The following ADGRF1 variants were observed in gnomAD, a reference collection of about 807,000 sequenced individuals.
ADGRF1 encodes G protein-coupled receptor 110.
In ADGRF1, 85 loss-of-function variants were observed where a neutral mutation model predicts 87.2. That is an observed-to-expected ratio of 0.97 (90% CI 0.82 to 1.17). The LOEUF (loss-of-function observed/expected upper bound fraction) is 1.17. Ranked by LOEUF, ADGRF1 falls within the 50% of genes most tolerant of loss-of-function variation. ADGRF1 has a pLI of 0.00. For synonymous variants in ADGRF1, 430 were observed against 408.8 expected, an observed-to-expected ratio of 1.05 and a Z score of -0.63; for missense variants, 1,169 against 1,077.2, an observed-to-expected ratio of 1.09 and a Z score of -1.19.
intron 1 of ADGRF1, 90 bp from the exon 2 acceptor site, chr6:47,029,194 C>T (rs1320086237): frequency 2.9e-6 from 2 of 695,250 alleles, no homozygotes; most frequent in African/African-American, 1.8e-5. Context: ...TAAGGCCTCA[C>T]TGAGCTGATC....
intron 4 of ADGRF1, among the ~76,000 whole-genome samples, chr6:47,025,246 G>C (rs1447606336): frequency 5.3e-5 from 8 of 152,062 alleles, no homozygotes. Flanking sequence ...GCTTTATTGC[G>C]ACACAGAATC....
At chr6:47,006,347 C>T (rs1779528580) in intron 12 of ADGRF1, among the ~76,000 whole-genome samples, 1 of 152,018 alleles carries the variant, frequency 6.6e-6, no homozygotes. Context: ...CATCTATTAG[C>T]TTATGGCCTT....
chr6:47,007,363 T>A, intron 11 of ADGRF1, 69 bp from the exon 12 acceptor site: 2 of 915,654 alleles, frequency 2.2e-6, no homozygotes, highest in Non-Finnish European at 3.5e-6. Context: ...CATTTATATG[T>A]AACACTATTC....
At chr6:47,013,154 G>A (rs1779759919) in intron 9 of ADGRF1, 2 of 985,286 alleles carry the variant, frequency 2.0e-6, no homozygotes, top group South Asian at 4.7e-5. Flanking sequence ...GCAAAGGAAG[G>A]CAGTCCCCTT....
intron 1 of ADGRF1, among the ~76,000 whole-genome samples, chr6:47,040,388 C>A (rs535862582): frequency 6.7e-6 from 1 of 150,022 alleles, no homozygotes; most frequent in East Asian, 1.9e-4. Flanking sequence ...AGGAGAATGG[C>A]GTGAACCCGG....
intron 7 of ADGRF1, chr6:47,018,422 C>T: frequency 7.8e-7 from 1 of 1,287,580 alleles, no homozygotes; most frequent in South Asian, 1.2e-5. Context: ...CATTGAACTT[C>T]TGCTCACAAT....
At chr6:47,011,341 T>C (rs1425638290) in intron 10 of ADGRF1, among the ~76,000 whole-genome samples, 1 of 152,262 alleles carries the variant, frequency 6.6e-6, no homozygotes, top group Admixed American at 6.5e-5. Flanking sequence ...GTACATTATA[T>C]AATCCAGTTT....
intron 6 of ADGRF1, among the ~76,000 whole-genome samples, chr6:47,021,247 T>C (rs1290286729): frequency 6.6e-6 from 1 of 152,216 alleles, no homozygotes; most frequent in Non-Finnish European, 1.5e-5. Context: ...ATCTAGTTTT[T>C]ATGTGACTTT....
Position 47,009,547 on chromosome 6 carries a change from T to C in ADGRF1, c.1888A>G (p.Ile630Val). The C allele has an allele frequency of 1.9e-6, 3 of 1,614,144 alleles. No homozygotes were observed. Among genetic ancestry groups the C allele is most frequent in the Middle Eastern group, 1.7e-4 (1 of 6,060 alleles). The change falls in exon 11 of 15, where the codon ATA becomes GTA. Residue 630 changes from isoleucine (I) to valine (V), a missense_variant. Physicochemically the swap from Ile to Val is conservative, Grantham distance 29. Coordinates refer to ENST00000371253, the MANE Select transcript of ADGRF1 (RefSeq NM_153840.4). ...SHTRRICMVN[I>V]ALSLLIADVW... Reference sequence around the variant, plus strand: ...TCAGCAATCAAGAGGGACAGGGCTATGTTCACCATGCAAATACGACGTGTG... The same window carrying C: ...TCAGCAATCAAGAGGGACAGGGCTACGTTCACCATGCAAATACGACGTGTG...
intron 4 of ADGRF1, 109 bp from the exon 5 acceptor site, chr6:47,024,326 T>A: frequency 2.5e-6 from 2 of 805,720 alleles, no homozygotes; most frequent in Non-Finnish European, 3.9e-6. Context: ...ACTTCCTACA[T>A]CTTCTATGAG....
At chr6:47,028,918 T>C (rs959997902) in intron 2 of ADGRF1, 75 bp downstream of exon 2, 2 of 1,108,756 alleles carry the variant, frequency 1.8e-6, no homozygotes, top group Non-Finnish European at 2.8e-6. Flanking sequence ...CCCTAGAGAG[T>C]GAGGGGTTCT....
chr6:47,017,705 A>C (rs1483726854), intron 7 of ADGRF1: 2 of 152,136 alleles, frequency 1.3e-5, no homozygotes, highest in African/African-American at 2.4e-5. Context: ...AAAAAAAAAA[A>C]AACTGGATTA....
At chr6:47,008,721 A>T (rs2113879788) in intron 11 of ADGRF1, among the ~76,000 whole-genome samples, 1 of 152,362 alleles carries the variant, frequency 6.6e-6, no homozygotes, top group Admixed American at 6.5e-5. Flanking sequence ...TAATAGATTT[A>T]AAGCCCTGTA....
intron 4 of ADGRF1, among the ~76,000 whole-genome samples, chr6:47,024,593 CG>C (rs1472051485): frequency 5.6e-4 from 85 of 152,194 alleles, no homozygotes; most frequent in Non-Finnish European, 1.9e-4. Context: ...GGATTACAGG[CG>C]TGAGCCACCG....
At position 46,999,287 on chromosome 6, in the gene ADGRF1, A is replaced by C. The variant is rs1341318361; in HGVS notation, c.*935T>G. 1.3e-5 allele frequency: 2 copies of C among 152,248 alleles called. No individual in the cohort carries two copies. The highest frequency in any genetic ancestry group is 4.8e-5 in the African/African-American group (2 of 41,472). 9.4% of individuals were successfully genotyped at this position (152,248 alleles called of 1,614,324 possible). Reference sequence around the variant, plus strand: ...TTAAGGTACCTCCCTGGAAGCTGACAACCAAATTCTCCCTTAATTTCTCTC... The same window carrying C: ...TTAAGGTACCTCCCTGGAAGCTGACCACCAAATTCTCCCTTAATTTCTCTC... On this transcript the variant is annotated 3_prime_UTR_variant, in exon 15 of 15. Transcript: ENST00000371253.
At chr6:47,000,968 A>T (rs184189684) in intron 14 of ADGRF1, among the ~76,000 whole-genome samples, 10 of 152,346 alleles carry the variant, frequency 6.6e-5, no homozygotes, top group African/African-American at 2.4e-4. Flanking sequence ...AATAGCACAG[A>T]CTTTAGTAAC....
chr6:47,019,989 ACTT>A, intron 7 of ADGRF1: 1 of 988,064 alleles, frequency 1.0e-6, no homozygotes, highest in African/African-American at 1.7e-5. Context: ...CCAAAGCCCC[ACTT>A]CTGGCTCCGA....
At chr6:47,031,427 G>A (rs1780429885) in intron 1 of ADGRF1, among the ~76,000 whole-genome samples, 1 of 147,258 alleles carries the variant, frequency 6.8e-6, no homozygotes, top group Non-Finnish European at 1.5e-5. Context: ...CAGGCCTGAG[G>A]CTGTAAAGGC....
At chr6:47,034,842 T>C (rs1187034568) in intron 1 of ADGRF1, among the ~76,000 whole-genome samples, 3 of 152,220 alleles carry the variant, frequency 2.0e-5, no homozygotes, top group African/African-American at 7.2e-5. Flanking sequence ...AATTGAGATA[T>C]GTGCTTATAA....
Sources: allele counts gnomAD v4.1 joint callset (sites outside exome capture counted in the v4.1 genomes callset), GRCh38; gene constraint gnomAD v4.1.1; transcripts MANE v1.5; gene names NCBI Gene and HGNC (gene_info 2026-07-23, HGNC 2026-07-21).